Variants in NDUFS4 observed in about 807,000 individuals in gnomAD.
The protein encoded by NDUFS4 is NADH dehydrogenase [ubiquinone] iron-sulfur protein 4, mitochondrial.
Under a neutral mutation model 24.3 loss-of-function variants are expected in NDUFS4, and 28 were observed. That is an observed-to-expected ratio of 1.15 (90% CI 0.85 to 1.58). NDUFS4 has a LOEUF of 1.58. Among genes scored for constraint, NDUFS4 ranks in the 40% most tolerant of loss-of-function variants. NDUFS4 has a pLI of 0.00. For synonymous variants in NDUFS4, 93 were observed against 69.7 expected, an observed-to-expected ratio of 1.34 and a Z score of -1.67; for missense variants, 223 against 207.9, an observed-to-expected ratio of 1.07 and a Z score of -0.45.
At chr5:53,680,588 C>T (rs1003037648) in intron 4 of NDUFS4, among the ~76,000 whole-genome samples, 7 of 151,956 alleles carry the variant, frequency 4.6e-5, no homozygotes, top group Admixed American at 4.6e-4. Flanking sequence ...AGTAAACTAT[C>T]GCAAGGACAA....
Position 53,658,584 on chromosome 5 carries a change from C to T in NDUFS4, c.384C>T (p.Phe128=). The T allele has an allele frequency of 6.2e-7, 1 of 1,613,344 alleles. No individual in the cohort carries two copies. Among genetic ancestry groups the T allele is most frequent in the Non-Finnish European group, 8.5e-7 (1 of 1,179,598 alleles). Reference sequence around the variant, plus strand: ...CCTTATCCAACATGGTTCTAACCTTCAGTACTAAAGAAGATGCAGTTTCCT... The same window carrying T: ...CCTTATCCAACATGGTTCTAACCTTTAGTACTAAAGAAGATGCAGTTTCCT... ...ADPLSNMVLT[F]STKEDAVSFA... Residue 128 remains phenylalanine (F), a synonymous_variant, in exon 4 of 5, where the codon TTC becomes TTT. Transcript: ENST00000296684.
chr5:53,666,911 G>A (rs555738219), intron 4 of NDUFS4, among the ~76,000 whole-genome samples: 1 of 152,156 alleles, frequency 6.6e-6, no homozygotes, highest in African/African-American at 2.4e-5. Context: ...TCCAGCCTGG[G>A]TGACAGGGTG....
chr5:53,570,964 A>G (rs1313379936), intron 1 of NDUFS4, among the ~76,000 whole-genome samples: 2 of 152,208 alleles, frequency 1.3e-5, no homozygotes. Context: ...AATTACAGGC[A>G]TGAGCCACGG....
chr5:53,628,569 T>A (rs936017255), intron 2 of NDUFS4, among the ~76,000 whole-genome samples: 4 of 152,222 alleles, frequency 2.6e-5, no homozygotes, highest in African/African-American at 4.8e-5. Context: ...GTTATTGGTC[T>A]ATTCAGAGAT....
chr5:53,622,665 A>G (rs1228537191), intron 2 of NDUFS4, among the ~76,000 whole-genome samples: 1 of 151,950 alleles, frequency 6.6e-6, no homozygotes, highest in Non-Finnish European at 1.5e-5. Context: ...CATTGGATAT[A>G]GAATTCTAGG....
intron 2 of NDUFS4, among the ~76,000 whole-genome samples, chr5:53,638,567 G>A (rs947669258): frequency 4.6e-5 from 7 of 151,968 alleles, no homozygotes; most frequent in Admixed American, 2.0e-4. Flanking sequence ...GGTGGGAGAA[G>A]GTAGAGGGTT....
chr5:53,674,711 C>A (rs563004783), intron 4 of NDUFS4, among the ~76,000 whole-genome samples: 6 of 152,158 alleles, frequency 3.9e-5, no homozygotes, highest in African/African-American at 1.4e-4. Flanking sequence ...TATTACAAAA[C>A]ATAATTATTG....
intron 4 of NDUFS4, among the ~76,000 whole-genome samples, chr5:53,672,303 A>G (rs2111577595): frequency 6.6e-6 from 1 of 152,312 alleles, no homozygotes; most frequent in South Asian, 2.1e-4. Context: ...GCAAGTAAAA[A>G]TTTATTTTAC....
At chr5:53,579,989 T>C (rs886934165) in intron 1 of NDUFS4, among the ~76,000 whole-genome samples, 1 of 152,202 alleles carries the variant, frequency 6.6e-6, no homozygotes, top group Admixed American at 6.5e-5. Context: ...CACATTGATA[T>C]TAGCCCTGTG....
At chr5:53,681,807 T>C (rs960419010) in intron 4 of NDUFS4, among the ~76,000 whole-genome samples, 1 of 152,092 alleles carries the variant, frequency 6.6e-6, no homozygotes, top group Non-Finnish European at 1.5e-5. Flanking sequence ...AAGTTTAAAT[T>C]AAAATACGCT....
chr5:53,587,222 T>G (rs1749788848), intron 1 of NDUFS4, among the ~76,000 whole-genome samples: 1 of 152,174 alleles, frequency 6.6e-6, no homozygotes, highest in Non-Finnish European at 1.5e-5. Flanking sequence ...CATTATTAGT[T>G]TCTTATGCTT....
chr5:53,653,489 A>G (rs1018636661), intron 3 of NDUFS4, among the ~76,000 whole-genome samples: 6 of 152,190 alleles, frequency 3.9e-5, no homozygotes, highest in African/African-American at 7.2e-5. Flanking sequence ...TTGAATTTAA[A>G]TAAGAATTCT....
intron 4 of NDUFS4, among the ~76,000 whole-genome samples, chr5:53,659,489 A>G (rs1183657448): frequency 6.6e-6 from 1 of 152,118 alleles, no homozygotes; most frequent in Admixed American, 6.6e-5. Context: ...ATACCTCATG[A>G]AGTGGGTGAT....
chr5:53,651,322 T>G (rs1044340512), intron 3 of NDUFS4, among the ~76,000 whole-genome samples: 2 of 151,934 alleles, frequency 1.3e-5, no homozygotes, highest in Non-Finnish European at 2.9e-5. Context: ...TGACTTCTCT[T>G]TGTGAAATAT....
intron 4 of NDUFS4, among the ~76,000 whole-genome samples, chr5:53,675,043 AATTTCTAGCACACTGAAAAG>A (rs1477502833): frequency 6.7e-6 from 1 of 149,276 alleles, no homozygotes; most frequent in Non-Finnish European, 1.5e-5. Context: ...AGCTTAAAAT[AATTTCTAGCACACTGAAAAG>A]ATTAGAAGTT....
chr5:53,629,818 C>T (rs1269178899), intron 2 of NDUFS4, among the ~76,000 whole-genome samples: 1 of 152,026 alleles, frequency 6.6e-6, no homozygotes, highest in Non-Finnish European at 1.5e-5. Flanking sequence ...ACAAATGGGT[C>T]TTGACTCTAT....
At chr5:53,603,934 A>AT (rs1750414629) in intron 2 of NDUFS4, among the ~76,000 whole-genome samples, 1 of 152,126 alleles carries the variant, frequency 6.6e-6, no homozygotes, top group Admixed American at 6.5e-5. Context: ...TATTATCACT[A>AT]TATGTATATA....
intron 1 of NDUFS4, among the ~76,000 whole-genome samples, chr5:53,571,418 C>G (rs1749205115): frequency 6.6e-6 from 1 of 152,166 alleles, no homozygotes; most frequent in Non-Finnish European, 1.5e-5. Context: ...TATGGACAAA[C>G]CACATTTTAT....
At chr5:53,630,988 A>T (rs551276720) in intron 2 of NDUFS4, among the ~76,000 whole-genome samples, 7 of 152,060 alleles carry the variant, frequency 4.6e-5, no homozygotes, top group Non-Finnish European at 8.8e-5. Context: ...TTCACCCTTT[A>T]TGCACTGGTT....
Sources: allele counts gnomAD v4.1 joint callset (sites outside exome capture counted in the v4.1 genomes callset), GRCh38; gene constraint gnomAD v4.1.1; transcripts MANE v1.5; gene names NCBI Gene and HGNC (gene_info 2026-07-23, HGNC 2026-07-21).